The following PLXNA4 variants were observed in gnomAD, a reference collection of about 807,000 sequenced individuals.
PLXNA4 encodes plexin-A4.
A neutral mutation model predicts 191.8 loss-of-function variants in PLXNA4; 44 were observed. The ratio of observed to expected loss-of-function variants is 0.23; its 90% CI spans 0.18 to 0.29. The LOEUF is 0.29. Ranked by LOEUF, PLXNA4 falls within the 10% of genes least tolerant of loss-of-function variation. The pLI is 1.00. For synonymous variants in PLXNA4, 1,082 were observed against 1,009.5 expected, an observed-to-expected ratio of 1.07 and a Z score of -1.36; for missense variants, 1,800 against 2,488.8, an observed-to-expected ratio of 0.72 and a Z score of 5.89.
intron 4 of PLXNA4, among the ~76,000 whole-genome samples, chr7:132,243,702 G>T (rs1380639791): frequency 2.8e-5 from 3 of 107,302 alleles, no homozygotes; most frequent in Non-Finnish European, 3.4e-5. Context: ...GTTTCCCAAA[G>T]CACAGATGAT....
At chr7:132,548,036 CA>C (rs1389222603) in intron 1 of PLXNA4, among the ~76,000 whole-genome samples, 12 of 152,160 alleles carry the variant, frequency 7.9e-5, no homozygotes, top group African/African-American at 2.4e-4. Flanking sequence ...AGAAAACACC[CA>C]GCCACACAGA....
chr7:132,342,120 A>T (rs1025191023), intron 3 of PLXNA4, among the ~76,000 whole-genome samples: 1 of 151,684 alleles, frequency 6.6e-6, no homozygotes, highest in South Asian at 2.1e-4. Flanking sequence ...GAGACCACCT[A>T]AGCCAGCTCT....
intron 2 of PLXNA4, among the ~76,000 whole-genome samples, chr7:132,495,104 G>A (rs754971750): frequency 2.0e-5 from 3 of 152,176 alleles, no homozygotes; most frequent in Non-Finnish European, 2.9e-5. Context: ...GTGATGAGGC[G>A]GGGTGGGCCC....
At chr7:132,487,648 G>A (rs1797614359) in intron 3 of PLXNA4, among the ~76,000 whole-genome samples, 1 of 152,184 alleles carries the variant, frequency 6.6e-6, no homozygotes, top group Admixed American at 6.5e-5. Flanking sequence ...TGCAGAATGA[G>A]GGAGGAGGAA....
intron 2 of PLXNA4, among the ~76,000 whole-genome samples, chr7:132,600,650 G>T (rs1236319088): frequency 6.6e-6 from 1 of 152,154 alleles, no homozygotes; most frequent in Non-Finnish European, 1.5e-5. Context: ...TGGGATTACA[G>T]GCATGAACCA....
At chr7:132,440,110 A>G (rs537417824) in intron 3 of PLXNA4, among the ~76,000 whole-genome samples, 14 of 152,296 alleles carry the variant, frequency 9.2e-5, no homozygotes, top group Non-Finnish European at 1.6e-4. Context: ...ATTTCCCCAC[A>G]AGTGAGGCAA....
In PLXNA4 at chr7:132,133,120, G is replaced by T. The variant is rs752209974; in HGVS notation, c.5518C>A (p.His1840Asn). ...CTCATGGTGTTGAACTCATTCATGT[G>T]CATCCGGGACTGCTCAGCCAGGTAT... is the stretch of plus-strand genomic sequence containing the variant. The part of the protein sequence containing the change: ...NAYLAEQSRM[H>N]MNEFNTMSAL... The change falls in exon 31 of 32, where the codon CAC becomes AAC. Residue 1840 changes from histidine (H) to asparagine (N), a missense_variant. His to Asn is a moderately conservative substitution (Grantham distance 68). Around this residue, in one of 6 missense-constraint regions of PLXNA4, gnomAD observed 83 missense variants for 81.6 expected, o/e 1.02. Transcript: ENST00000321063. The T allele has an allele frequency of 6.2e-7, 1 of 1,614,200 alleles. No individual in the cohort carries two copies. The highest frequency in any genetic ancestry group is 8.5e-7 in the Non-Finnish European group (1 of 1,180,028).
chr7:132,227,066 C>T (rs993661948), intron 7 of PLXNA4, among the ~76,000 whole-genome samples: 1 of 152,196 alleles, frequency 6.6e-6, no homozygotes, highest in Non-Finnish European at 1.5e-5. Context: ...GGTCAGAGAT[C>T]GGCCATGTGA....
intron 4 of PLXNA4, among the ~76,000 whole-genome samples, chr7:132,262,806 A>G (rs1207910628): frequency 2.6e-5 from 4 of 152,076 alleles, no homozygotes; most frequent in Non-Finnish European, 5.9e-5. Flanking sequence ...TGCTGGGTCT[A>G]AGGGGTCAAA....
At chr7:132,131,775 C>T (rs1794934829) in intron 31 of PLXNA4, among the ~76,000 whole-genome samples, 1 of 152,264 alleles carries the variant, frequency 6.6e-6, no homozygotes. Context: ...TGCATTGCCG[C>T]AGGCAGGGGA....
chr7:132,256,635 G>A (rs185383376), intron 4 of PLXNA4, among the ~76,000 whole-genome samples: 4 of 152,160 alleles, frequency 2.6e-5, no homozygotes, highest in Admixed American at 2.6e-4. Context: ...TGTTTTGCTG[G>A]ATTTAAGATG....
rs565368246 is a variant in PLXNA4 at position 132,576,006 on chromosome 7, G to A, written c.-87+416C>T. 6.6e-6 allele frequency among the ~76,000 whole-genome samples: 1 copy of A among 152,236 alleles called. No homozygotes were observed. The highest frequency in any genetic ancestry group is 2.1e-4 in the South Asian group (1 of 4,828). ...CCGCGATGACACTGGGTAGGTCTCCGGAAACCTCTCAGGACTTCTCCCATT... is the reference window on the plus strand; with the variant it reads ...CCGCGATGACACTGGGTAGGTCTCCAGAAACCTCTCAGGACTTCTCCCATT... On this transcript the variant is annotated intron_variant, in intron 1 of 31. Coordinates refer to ENST00000321063, the MANE Select transcript of PLXNA4 (RefSeq NM_020911.2). This position sits in a 1 kb window ranked among gnomAD's most constrained non-coding sequence, Gnocchi z 5.8.
At chr7:132,648,142 C>G (rs574467886) in intron 1 of PLXNA4, among the ~76,000 whole-genome samples, 1 of 152,280 alleles carries the variant, frequency 6.6e-6, no homozygotes, top group Non-Finnish European at 1.5e-5. Flanking sequence ...CTCACGTACA[C>G]ACACACTTAT....
chr7:132,468,238 CAT>C (rs1796783705), intron 3 of PLXNA4, among the ~76,000 whole-genome samples: 2 of 152,088 alleles, frequency 1.3e-5, no homozygotes, highest in South Asian at 4.1e-4. Flanking sequence ...CACACACACA[CAT>C]ACACACAAAC....
At chr7:132,298,341 G>T (rs1801183623) in intron 3 of PLXNA4, 119 bp from the exon 4 acceptor site, 3 of 1,325,566 alleles carry the variant, frequency 2.3e-6, no homozygotes. Flanking sequence ...TCTCCACAGT[G>T]CTCACAGGCT....
Position 132,174,845 on chromosome 7 carries a change from T to C in PLXNA4, c.3950A>G (p.Tyr1317Cys). 4.3e-6 allele frequency: 7 copies of C among 1,614,252 alleles called. No homozygotes were observed. The highest frequency in any genetic ancestry group is 5.9e-6 in the Non-Finnish European group (7 of 1,180,046). ...LDGAGIPFLDYRTYTMRVLFP... is the reference protein window; with the variant it reads ...LDGAGIPFLDCRTYTMRVLFP... ...CAGCACCCGCATGGTGTAAGTTCTA[T>C]AGTCCAGGAACGGAATCCCGGCTCC... Residue 1317 changes from tyrosine (Y) to cysteine (C), a missense_variant, in exon 21 of 32, where the codon TAT becomes TGT. Transcript: ENST00000321063.
At chr7:132,222,789 G>A (rs1349405) in intron 9 of PLXNA4, among the ~76,000 whole-genome samples, 61,382 of 152,060 alleles carry the variant, frequency 0.4, 12,765 homozygotes, top group South Asian at 0.6. Context: ...TTGGTACAGT[G>A]AGGATGAGTG....
chr7:132,559,301 A>C (rs1486798630), intron 1 of PLXNA4, among the ~76,000 whole-genome samples: 1 of 152,232 alleles, frequency 6.6e-6, no homozygotes, highest in African/African-American at 2.4e-5. Context: ...GCTCAAAAAC[A>C]CTTACCCTGC....
chr7:132,377,925 G>A (rs1267574342), intron 3 of PLXNA4, among the ~76,000 whole-genome samples: 1 of 152,080 alleles, frequency 6.6e-6, no homozygotes, highest in Non-Finnish European at 1.5e-5. Flanking sequence ...ACTGGAGGCC[G>A]CGAGCTGAAA....
Sources: gnomAD v4.1 joint callset for allele counts (sites outside exome capture counted in the v4.1 genomes callset) on GRCh38, gnomAD v4.1.1 for gene constraint, gnomAD v4.1.1 regional missense constraint, Gnocchi (gnomAD v3.1) non-coding constraint, MANE v1.5 for transcripts, NCBI Gene and HGNC (gene_info 2026-07-23, HGNC 2026-07-21) for gene names.